Variants in CACNA1E observed in about 807,000 individuals in gnomAD.
CACNA1E encodes calcium voltage-gated channel subunit alpha1 E.
In CACNA1E, 40 loss-of-function variants were observed where a neutral mutation model predicts 259.2. The ratio of observed to expected loss-of-function variants is 0.15; its 90% confidence interval spans 0.12 to 0.20. CACNA1E has a LOEUF of 0.20. CACNA1E is among the 10% of genes least tolerant of loss of function. CACNA1E has a pLI of 1.00. For synonymous variants in CACNA1E, 1,104 were observed against 1,138.5 expected (o/e 0.97, Z 0.61); for missense variants, 1,874 against 3,040.1 (o/e 0.62, Z 9.02).
Position 181,539,454 on chromosome 1 carries a change from A to G in CACNA1E, c.512+27944A>G, listed in dbSNP as rs746550472. On this transcript the variant is annotated intron_variant, in intron 3 of 47. Transcript: ENST00000367573. ...AAGAATTCAGGAAGACAGGCAAAAT[A>G]TTTCAAGGATACCTTTAAGGCCAAA... Among the ~76,000 whole-genome samples, 10 of 152,352 alleles carry G rather than the reference A, an allele frequency of 6.6e-5. No homozygotes were observed. The Middle Eastern group carries it at 0.01, about 155-fold the overall frequency.
At chr1:181,541,361 G>A (rs1668566848) in intron 3 of CACNA1E, among the ~76,000 whole-genome samples, 1 of 152,004 alleles carries the variant, frequency 6.6e-6, no homozygotes. Context: ...CTTAAAAAAA[G>A]ATGGAGAGAA....
intron 6 of CACNA1E, among the ~76,000 whole-genome samples, chr1:181,608,723 C>T (rs1654465412): frequency 6.6e-6 from 1 of 152,230 alleles, no homozygotes; most frequent in African/African-American, 2.4e-5. Flanking sequence ...ATGCCACCTT[C>T]TCCCTCTCCT....
intron 7 of CACNA1E, among the ~76,000 whole-genome samples, chr1:181,696,208 A>T (rs1261142348): frequency 2.6e-5 from 4 of 151,084 alleles, no homozygotes; most frequent in Non-Finnish European, 5.9e-5. Flanking sequence ...ATATTTACGT[A>T]ACATATATCT....
Position 181,546,621 on chromosome 1 carries a change from C to T in CACNA1E, c.513-31145C>T, listed in dbSNP as rs545649736. On this transcript the variant is annotated intron_variant, in intron 3 of 47. Coordinates refer to ENST00000367573, the MANE Select transcript of CACNA1E (RefSeq NM_001205293.3). Reference sequence around the variant, plus strand: ...GGTGGAAGGGGGCTCTTAGTAGACACCACCACTCACCCATTCTGTGCCAAG... The same window carrying T: ...GGTGGAAGGGGGCTCTTAGTAGACATCACCACTCACCCATTCTGTGCCAAG... 7.2e-5 allele frequency among the ~76,000 whole-genome samples: 11 copies of T among 152,288 alleles called. No homozygotes were observed. In the East Asian group the frequency reaches 2.1e-3, roughly 29 times the overall value.
At chr1:181,472,923 T>C (rs1662604891) in intron 2 of CACNA1E, among the ~76,000 whole-genome samples, 1 of 152,164 alleles carries the variant, frequency 6.6e-6, no homozygotes, top group Admixed American at 6.5e-5. Flanking sequence ...TGTGAGTCTG[T>C]GGGTGTTTTA....
intron 2 of CACNA1E, among the ~76,000 whole-genome samples, chr1:181,448,196 A>C (rs1660917281): frequency 6.6e-6 from 1 of 152,228 alleles, no homozygotes; most frequent in East Asian, 1.9e-4. Context: ...TAAACACAAT[A>C]CATGTAATTT....
At chr1:181,667,798 T>TA (rs1648383828) in intron 7 of CACNA1E, among the ~76,000 whole-genome samples, 1 of 151,128 alleles carries the variant, frequency 6.6e-6, no homozygotes, top group Admixed American at 6.6e-5. Context: ...CACAGTTGAC[T>TA]AAAAAATAGC....
intron 2 of CACNA1E, among the ~76,000 whole-genome samples, chr1:181,425,145 A>AGCC (rs1464731468): frequency 6.6e-6 from 1 of 152,112 alleles, no homozygotes; most frequent in African/African-American, 2.4e-5. Context: ...TGTGTATTGC[A>AGCC]GCCGCAGTCT....
At chr1:181,342,796 G>A (rs925267638) in intron 1 of CACNA1E, among the ~76,000 whole-genome samples, 2 of 152,158 alleles carry the variant, frequency 1.3e-5, no homozygotes, top group East Asian at 1.9e-4. Flanking sequence ...AGTGGGCTTC[G>A]GGGTAGAACT....
chr1:181,511,997 GT>G (rs1389424217), intron 3 of CACNA1E, among the ~76,000 whole-genome samples: 1 of 152,218 alleles, frequency 6.6e-6, no homozygotes, highest in Non-Finnish European at 1.5e-5. Context: ...GACAACAGAA[GT>G]TTTTATCATT....
intron 3 of CACNA1E, among the ~76,000 whole-genome samples, chr1:181,555,980 C>T (rs934641717): frequency 6.6e-6 from 1 of 152,188 alleles, no homozygotes; most frequent in Non-Finnish European, 1.5e-5. Flanking sequence ...TGTTCTGAGA[C>T]TGACGAAAAC....
At chr1:181,755,491 C>T in intron 28 of CACNA1E, 94 bp downstream of exon 28, 1 of 944,432 alleles carries the variant, frequency 1.1e-6, no homozygotes, top group East Asian at 2.5e-5. Flanking sequence ...TCCTTTCTAT[C>T]TTACCCATCT....
intron 25 of CACNA1E, 71 bp downstream of exon 25, chr1:181,739,324 C>T: frequency 1.9e-6 from 2 of 1,061,314 alleles, no homozygotes; most frequent in East Asian, 2.4e-5. Flanking sequence ...ATTTGAAGCC[C>T]TTTCCAGAAA....
intron 3 of CACNA1E, among the ~76,000 whole-genome samples, chr1:181,565,897 G>A (rs576487968): frequency 2.7e-5 from 2 of 74,338 alleles, no homozygotes; most frequent in African/African-American, 9.7e-5. Context: ...GGTACCTGCG[G>A]AGAGAAAGTG....
At chr1:181,661,763 G>A (rs1558239188) in intron 7 of CACNA1E, among the ~76,000 whole-genome samples, 1 of 152,200 alleles carries the variant, frequency 6.6e-6, no homozygotes, top group Non-Finnish European at 1.5e-5. Context: ...ACCATATGAG[G>A]AAGTACTAAC....
Position 181,795,102 on chromosome 1 carries a change from C to G in CACNA1E, c.6208+58C>G, listed in dbSNP as rs73045170. 24,820 of 1,393,088 alleles carry G rather than the reference C, an allele frequency of 0.018. 1,139 individuals are homozygous for G. The highest frequency in any genetic ancestry group is 0.18 in the African/African-American group (12,381 of 69,838). 86.3% of individuals were successfully genotyped at this position (1,393,088 alleles called of 1,614,324 possible). On this transcript the variant is annotated intron_variant, in intron 46 of 47. Transcript: ENST00000367573. ...CAGGCAGTGGGCTCCTGCCCTGATG[C>G]ACTTACTCTCCAAGGACTGTAGATA...
chr1:181,455,644 C>A (rs1211395793), intron 2 of CACNA1E, among the ~76,000 whole-genome samples: 5 of 152,234 alleles, frequency 3.3e-5, no homozygotes, highest in Admixed American at 3.3e-4. Flanking sequence ...CAGAACTAGT[C>A]TTTCATCTGC....
intron 27 of CACNA1E, among the ~76,000 whole-genome samples, chr1:181,753,401 C>G (rs898713405): frequency 2.6e-5 from 4 of 152,162 alleles, no homozygotes; most frequent in African/African-American, 7.2e-5. Flanking sequence ...GAACCCCTGT[C>G]AATATTAAAA....
At chr1:181,726,764 G>C (rs993412180) in intron 18 of CACNA1E, among the ~76,000 whole-genome samples, 2 of 152,160 alleles carry the variant, frequency 1.3e-5, no homozygotes, top group African/African-American at 2.4e-5. Context: ...TGGACTGTAG[G>C]GGCCAGAGTG....
Sources: allele counts gnomAD v4.1 joint callset (sites outside exome capture counted in the v4.1 genomes callset), GRCh38; gene constraint gnomAD v4.1.1; transcripts MANE v1.5; gene names NCBI Gene and HGNC (gene_info 2026-07-23, HGNC 2026-07-21).